Variants in CRMP1 observed in about 807,000 individuals in gnomAD.
CRMP1 encodes the protein dihydropyrimidinase-related protein 1.
CRMP1 carries 19 observed loss-of-function variants against 68.3 expected under a neutral mutation model. The ratio of observed to expected loss-of-function variants is 0.28; its 90% CI spans 0.19 to 0.41. The LOEUF (loss-of-function observed/expected upper bound fraction) is 0.41. Among genes scored for constraint, CRMP1 ranks in the 10% least tolerant of loss-of-function variants. The pLI, the probability that CRMP1 is intolerant of heterozygous loss-of-function variation, is 1.00. For synonymous variants in CRMP1, 439 were observed against 399.6 expected (o/e 1.10, Z -1.18); for missense variants, 791 against 967.4 (o/e 0.82, Z 2.42).
chr4:5,827,755 G>A (rs1326376069), intron 12 of CRMP1, among the ~76,000 whole-genome samples: 4 of 116,640 alleles, frequency 3.4e-5, no homozygotes, highest in South Asian at 5.3e-4. Flanking sequence ...ACACACACAC[G>A]AAGCTGGCCT....
At chr4:5,833,656 G>A (rs891421044) in intron 11 of CRMP1, among the ~76,000 whole-genome samples, 1 of 152,182 alleles carries the variant, frequency 6.6e-6, no homozygotes, top group African/African-American at 2.4e-5. Flanking sequence ...TGCTAAGCAC[G>A]AAGTAACTAC....
At position 5,888,421 on chromosome 4, in the gene CRMP1, G is replaced by A. The variant is rs1715759147; in HGVS notation, c.381+4168C>T. 8.2e-7 allele frequency: 1 copy of A among 1,216,736 alleles called. No homozygotes were observed. The highest frequency in any genetic ancestry group is 1.0e-6 in the Non-Finnish European group (1 of 978,382). The allele number at this position is 1,216,736 out of a possible 1,614,324, so 75.4% of individuals were successfully genotyped here. Reference sequence around the variant, plus strand: ...TCGGCGCCCGTGGATGCCCACGCGCGGCTGCCCCGGCTGCTCGGCCCGCCC... The same window carrying A: ...TCGGCGCCCGTGGATGCCCACGCGCAGCTGCCCCGGCTGCTCGGCCCGCCC... On this transcript the variant is annotated intron_variant, in intron 1 of 13. Coordinates refer to ENST00000324989, the MANE Select transcript of CRMP1 (RefSeq NM_001014809.3). The surrounding 1 kb of genome is among the most constrained non-coding windows in gnomAD (Gnocchi z 6.4).
chr4:5,847,683 T>C (rs1001837472), intron 6 of CRMP1, among the ~76,000 whole-genome samples: 2 of 152,240 alleles, frequency 1.3e-5, no homozygotes, highest in African/African-American at 2.4e-5. Context: ...TCTCCAGCAC[T>C]GAACCATCAT....
intron 8 of CRMP1, 152 bp from the exon 9 acceptor site, chr4:5,839,830 C>A (rs541855473): frequency 1.1e-6 from 1 of 926,116 alleles, no homozygotes; most frequent in African/African-American, 1.7e-5. Context: ...CCGCCTGCAC[C>A]GCAGGGACCT....
Position 5,841,420 on chromosome 4 carries a change from G to A in CRMP1, c.1041C>T (p.Ala347=), listed in dbSNP as rs185826425. 2.0e-5 allele frequency: 33 copies of A among 1,614,116 alleles called. No homozygotes were observed. The highest frequency in any genetic ancestry group is 1.6e-4 in the East Asian group (7 of 44,882). ...HALSRPEELE[A]EAVFRAITIA... is the part of the protein sequence containing the mutation. ...TGGTGATGGCCCGGAACACCGCCTCGGCCTCCAGCTGAACACGGCACACAC... is the reference window on the plus strand; with the variant it reads ...TGGTGATGGCCCGGAACACCGCCTCAGCCTCCAGCTGAACACGGCACACAC... Residue 347 remains alanine (A), a synonymous_variant, in exon 8 of 14, where the codon GCC becomes GCT. Transcript: ENST00000324989. This position sits in a 1 kb window ranked among gnomAD's most constrained non-coding sequence, Gnocchi z 6.9.
At position 5,877,584 on chromosome 4, in the gene CRMP1, T is replaced by A. The variant is rs1714928233; in HGVS notation, c.382-10828A>T. Among the ~76,000 whole-genome samples the A allele has an allele frequency of 6.6e-6, 1 of 152,192 alleles. No individual in the cohort carries two copies. The highest frequency in any genetic ancestry group is 1.5e-5 in the Non-Finnish European group (1 of 68,044). On this transcript the variant is annotated intron_variant, in intron 1 of 13. Transcript: ENST00000324989. The surrounding 1 kb of genome is among the most constrained non-coding windows in gnomAD (Gnocchi z 4.3). ...CAGCCAGTGGCCCTTTGCCACACTA[T>A]CCAGGAATGCAACCCACGAAGTGGC...
chr4:5,869,681 CAAAAA>C (rs33973891), intron 1 of CRMP1, among the ~76,000 whole-genome samples: 3 of 92,922 alleles, frequency 3.2e-5, no homozygotes, highest in Non-Finnish European at 4.2e-5. Context: ...AAGACTCCGT[CAAAAA>C]AAAAAAAAAA....
In CRMP1 at chr4:5,850,378, T is replaced by G. The variant is rs779771122; in HGVS notation, c.883-906A>C. On this transcript the variant is annotated intron_variant, in intron 5 of 13. Coordinates refer to ENST00000324989, the MANE Select transcript of CRMP1 (RefSeq NM_001014809.3). The surrounding 1 kb of genome is among the most constrained non-coding windows in gnomAD (Gnocchi z 4.4). ...TGCCAGCACATCACATGCTATGTTT[T>G]CTATGTAACTGAACCAATTTTCAGC... is the stretch of plus-strand genomic sequence containing the variant. Among the ~76,000 whole-genome samples the G allele has an allele frequency of 6.6e-6, 1 of 152,236 alleles. No homozygotes were observed. The highest frequency in any genetic ancestry group is 2.4e-5 in the African/African-American group (1 of 41,466).
intron 11 of CRMP1, among the ~76,000 whole-genome samples, chr4:5,830,926 G>C (rs1720333158): frequency 6.6e-6 from 1 of 152,228 alleles, no homozygotes; most frequent in African/African-American, 2.4e-5. Flanking sequence ...AAAAGTCCCT[G>C]AATTTATGTA....
At chr4:5,868,013 A>G (rs1288261068) in intron 1 of CRMP1, among the ~76,000 whole-genome samples, 1 of 151,942 alleles carries the variant, frequency 6.6e-6, no homozygotes, top group East Asian at 1.9e-4. Flanking sequence ...AGCCTATCCT[A>G]AGGGCACAGA....
At chr4:5,846,990 A>T (rs963910200) in intron 6 of CRMP1, among the ~76,000 whole-genome samples, 1 of 151,954 alleles carries the variant, frequency 6.6e-6, no homozygotes, top group Non-Finnish European at 1.5e-5. Context: ...CCTTTCACGA[A>T]AAAGGATGGA....
chr4:5,834,542 C>T lies in CRMP1; in HGVS notation c.1623+1373G>A, dbSNP rs140433691. 2.7e-4 allele frequency among the ~76,000 whole-genome samples: 41 copies of T among 152,238 alleles called. No homozygotes were observed. In the East Asian group the frequency reaches 5.0e-3, roughly 19 times the overall value. On this transcript the variant is annotated intron_variant, in intron 11 of 13. Coordinates refer to ENST00000324989, the MANE Select transcript of CRMP1 (RefSeq NM_001014809.3). The surrounding 1 kb of genome is among the most constrained non-coding windows in gnomAD (Gnocchi z 4.3). ...AATTCCCAGCCTCCAGAACCGTGAG[C>T]CACATAAATTTATTTTCTTATAAAT...
intron 1 of CRMP1, among the ~76,000 whole-genome samples, chr4:5,871,221 C>A (rs920902717): frequency 2.0e-5 from 3 of 152,208 alleles, no homozygotes; most frequent in Non-Finnish European, 2.9e-5. Flanking sequence ...ACTGATTCAA[C>A]CTCTTCATGT....
In CRMP1 at chr4:5,892,381, G is replaced by A. The variant is rs756450978; in HGVS notation, c.381+208C>T. On this transcript the variant is annotated intron_variant, in intron 1 of 13. Coordinates refer to ENST00000324989, the MANE Select transcript of CRMP1 (RefSeq NM_001014809.3). This position sits in a 1 kb window ranked among gnomAD's most constrained non-coding sequence, Gnocchi z 8.6. ...CCGGGCGATCCCTTCCGAGTCTCAC[G>A]GACCACGCCGGCCAGCCCCGACCGA... is the stretch of plus-strand genomic sequence containing the variant. Among the ~76,000 whole-genome samples, 2 of 152,172 alleles carry A rather than the reference G, an allele frequency of 1.3e-5. No homozygotes were observed. Among genetic ancestry groups the A allele is most frequent in the African/African-American group, 4.8e-5 (2 of 41,458 alleles).
rs890489790 is a variant in CRMP1 at position 5,841,638 on chromosome 4, G to A, written c.1033-210C>T. Among the ~76,000 whole-genome samples, 10 of 152,192 alleles carry A rather than the reference G, an allele frequency of 6.6e-5. No homozygotes were observed. Among genetic ancestry groups the A allele is most frequent in the East Asian group, 1.9e-4 (1 of 5,196 alleles). ...TGGGATACGGCAGCAACATCCAAGC[G>A]CTATACAAGTTTATAGCACTGCCTC... is the stretch of plus-strand genomic sequence containing the variant. On this transcript the variant is annotated intron_variant, in intron 7 of 13. Coordinates refer to ENST00000324989, the MANE Select transcript of CRMP1 (RefSeq NM_001014809.3). The surrounding 1 kb of genome is among the most constrained non-coding windows in gnomAD (Gnocchi z 6.9).
At chr4:5,864,450 C>G (rs1408403975) in intron 2 of CRMP1, among the ~76,000 whole-genome samples, 1 of 152,252 alleles carries the variant, frequency 6.6e-6, no homozygotes, top group African/African-American at 2.4e-5. Flanking sequence ...GCCTTCCTGA[C>G]CATTCGGGAT....
rs1039736726 is a variant in CRMP1 at position 5,843,834 on chromosome 4, C to G, written c.964-673G>C. Among the ~76,000 whole-genome samples the G allele has an allele frequency of 5.9e-5, 9 of 152,184 alleles. No individual in the cohort carries two copies. Among genetic ancestry groups the G allele is most frequent in the Non-Finnish European group, 1.2e-4 (8 of 68,030 alleles). On this transcript the variant is annotated intron_variant, in intron 6 of 13. Transcript: ENST00000324989. This position sits in a 1 kb window ranked among gnomAD's most constrained non-coding sequence, Gnocchi z 4.1. Reference sequence around the variant, plus strand: ...TCAGCTGCCTCTTCCTGGCATCTGTCTTTATGGCGGGAAACCACTACCTGA... The same window carrying G: ...TCAGCTGCCTCTTCCTGGCATCTGTGTTTATGGCGGGAAACCACTACCTGA...
Position 5,837,615 on chromosome 4 carries a change from C to CA in CRMP1, c.1311-710dup, listed in dbSNP as rs550807476. On this transcript the variant is annotated intron_variant, in intron 9 of 13. Transcript: ENST00000324989. ...TGCACTCCAGCCTGGGCGACAAGAG[C>CA]AAAACGCAGTCTCAAAAAATAAAAT... Among the ~76,000 whole-genome samples the CA allele has an allele frequency of 8.4e-4, 78 of 92,964 alleles. 1 individual carries two copies. The highest frequency in any genetic ancestry group is 4.4e-3 in the Middle Eastern group (1 of 226). The allele number at this position is 92,964 out of a possible 152,430, so 61.0% of individuals were successfully genotyped here. A position where few individuals can be genotyped will look rare whatever the true frequency, so the allele number is the denominator to read the frequency against.
intron 1 of CRMP1, among the ~76,000 whole-genome samples, chr4:5,885,579 T>G (rs559631143): frequency 6.6e-6 from 1 of 152,290 alleles, no homozygotes; most frequent in Non-Finnish European, 1.5e-5. Flanking sequence ...TTCTCCAGCA[T>G]GCCAACTCCT....
Sources: gnomAD v4.1 joint callset for allele counts (sites outside exome capture counted in the v4.1 genomes callset) on GRCh38, gnomAD v4.1.1 for gene constraint, Gnocchi (gnomAD v3.1) non-coding constraint, MANE v1.5 for transcripts, NCBI Gene and HGNC (gene_info 2026-07-23, HGNC 2026-07-21) for gene names.